Variants in SANBR observed in about 807,000 individuals in gnomAD.
The protein encoded by SANBR is SANT and BTB domain regulator of CSR.
In SANBR, 77 loss-of-function variants were observed where a neutral mutation model predicts 101.8. The ratio of observed to expected loss-of-function variants is 0.76; its 90% CI spans 0.63 to 0.91. SANBR has a LOEUF of 0.91. Ranked by LOEUF, SANBR falls within the 40% of genes least tolerant of loss-of-function variation. The pLI is 0.00. For missense variants in SANBR, 875 were observed against 853.0 expected (o/e 1.03, Z -0.32); for synonymous variants, 279 against 274.7 (o/e 1.02, Z -0.15).
intron 21 of SANBR, among the ~76,000 whole-genome samples, chr2:61,136,853 C>G (rs1684865679): frequency 5.9e-5 from 9 of 151,662 alleles, no homozygotes; most frequent in Admixed American, 5.9e-4. Flanking sequence ...TGCCTGTAAT[C>G]CCAGCTACTT....
At chr2:61,128,271 C>CAAA (rs1200152788), downstream of SANBR, among the ~76,000 whole-genome samples, 2 of 104,958 alleles carry the variant, frequency 1.9e-5, no homozygotes, top group African/African-American at 3.4e-5. Flanking sequence ...GACTCTGTCT[C>CAAA]AAAAAAAAAA....
chr2:61,106,769 A>G, intron 14 of SANBR, 107 bp downstream of exon 14: 1 of 651,326 alleles, frequency 1.5e-6, no homozygotes, highest in Non-Finnish European at 2.6e-6. Flanking sequence ...TGACTACCTA[A>G]TCATAAGAAG....
chr2:61,090,023 T>TGA (rs1180751769), intron 10 of SANBR, among the ~76,000 whole-genome samples: 1 of 151,914 alleles, frequency 6.6e-6, no homozygotes, highest in African/African-American at 2.4e-5. Context: ...AAAAATTAGC[T>TGA]GAGCATGGCA....
intron 7 of SANBR, 100 bp downstream of exon 7, chr2:61,081,610 T>C (rs1267339023): frequency 1.6e-6 from 2 of 1,239,848 alleles, no homozygotes; most frequent in East Asian, 2.8e-5. Flanking sequence ...AAAATTATTG[T>C]TAATTGAAAA....
chr2:61,133,559 C>A (rs781752487), intron 20 of SANBR, among the ~76,000 whole-genome samples: 3 of 151,782 alleles, frequency 2.0e-5, no homozygotes, highest in African/African-American at 2.4e-5. Context: ...TCAAGACCGG[C>A]CTGGGCAACA....
chr2:61,068,183 C>T (rs1389996812), intron 1 of SANBR, among the ~76,000 whole-genome samples: 1 of 152,164 alleles, frequency 6.6e-6, no homozygotes, highest in Admixed American at 6.5e-5. Flanking sequence ...TTCCAAGGTT[C>T]TTCCAAGACT....
intron 12 of SANBR, among the ~76,000 whole-genome samples, chr2:61,102,368 A>C (rs1683330531): frequency 8.9e-6 from 1 of 112,886 alleles, no homozygotes; most frequent in African/African-American, 7.9e-5. Flanking sequence ...TGTGTCTCAA[A>C]AAAAAAAAAA....
chr2:61,133,396 A>T (rs1684747627), intron 20 of SANBR, among the ~76,000 whole-genome samples: 1 of 152,198 alleles, frequency 6.6e-6, no homozygotes, highest in African/African-American at 2.4e-5. Flanking sequence ...CAACATTGTG[A>T]ATGCACTAAA....
At position 61,092,593 on chromosome 2, in the gene SANBR, AT is replaced by A. The variant is rs369817534; in HGVS notation, c.1212+17del. 0.013 allele frequency: 17,121 copies of A among 1,288,276 alleles called. 2 individuals are homozygous for A. Among genetic ancestry groups the A allele is most frequent in the South Asian group, 0.025 (1,611 of 64,806 alleles). 79.8% of individuals were successfully genotyped at this position (1,288,276 alleles called of 1,614,324 possible). ...CTTGTTCAAGATGTTATCAGGTAAG[AT>A]TTTTTTTTTTAAATATCCTGCTCTG... On this transcript the variant is annotated splice_region_variant and intron_variant, in intron 11 of 21. Coordinates refer to ENST00000402291, the MANE Select transcript of SANBR (RefSeq NM_001129993.3).
At chr2:61,073,844 A>C (rs553484841) in intron 5 of SANBR, among the ~76,000 whole-genome samples, 1 of 152,194 alleles carries the variant, frequency 6.6e-6, no homozygotes, top group African/African-American at 2.4e-5. Context: ...CAAGGAAAAA[A>C]ACTGTATGCC....
rs747903654 is a variant in SANBR at position 61,117,345 on chromosome 2, A to G, written c.1837-12A>G. 9.2e-5 allele frequency: 148 copies of G among 1,612,224 alleles called. No homozygotes were observed. Among genetic ancestry groups the G allele is most frequent in the Non-Finnish European group, 1.2e-4 (143 of 1,178,556 alleles). On this transcript the variant is annotated splice_polypyrimidine_tract_variant and intron_variant, in intron 17 of 21. Transcript: ENST00000402291. ...TTCTAATTGGGCCTTAATGTTGTCT[A>G]CTTTTTTTTAGTCAGCTTCTAGAGA...
At chr2:61,070,995 T>G (rs1297967426) in intron 3 of SANBR, among the ~76,000 whole-genome samples, 1 of 151,752 alleles carries the variant, frequency 6.6e-6, no homozygotes, top group Non-Finnish European at 1.5e-5. Flanking sequence ...GTGCTGAGAT[T>G]ACAGGCATGA....
intron 13 of SANBR, among the ~76,000 whole-genome samples, chr2:61,104,289 TG>T (rs1683436880): frequency 6.6e-6 from 1 of 151,980 alleles, no homozygotes; most frequent in South Asian, 2.1e-4. Flanking sequence ...GAGAGCATCC[TG>T]GCTAACACAG....
intron 16 of SANBR, chr2:61,115,669 T>TA (rs150247795): frequency 0.055 from 9,722 of 178,234 alleles, 1,055 homozygotes; most frequent in African/African-American, 0.22. Flanking sequence ...CGAGAATCGC[T>TA]TAAACCGTTG....
intron 12 of SANBR, among the ~76,000 whole-genome samples, chr2:61,099,465 A>G (rs1345031204): frequency 6.6e-6 from 1 of 152,214 alleles, no homozygotes; most frequent in Non-Finnish European, 1.5e-5. Flanking sequence ...GCTACTGGAT[A>G]GCTGGTGGTG....
intron 10 of SANBR, among the ~76,000 whole-genome samples, chr2:61,090,993 C>T (rs1018318916): frequency 6.6e-6 from 1 of 151,320 alleles, no homozygotes; most frequent in Non-Finnish European, 1.5e-5. Flanking sequence ...ACTGCAGCCT[C>T]CACCTCCCAG....
At chr2:61,084,527 C>A (rs1682318121) in intron 8 of SANBR, among the ~76,000 whole-genome samples, 1 of 152,062 alleles carries the variant, frequency 6.6e-6, no homozygotes, top group South Asian at 2.1e-4. Flanking sequence ...CCACTGCACT[C>A]CAGCCTGGGC....
chr2:61,111,664 C>G (rs1225323102), intron 16 of SANBR, among the ~76,000 whole-genome samples: 2 of 152,206 alleles, frequency 1.3e-5, no homozygotes, highest in African/African-American at 4.8e-5. Flanking sequence ...AAATAAAAAT[C>G]TAGAACATCA....
rs1559141566 is a variant in SANBR at position 61,118,026 on chromosome 2, A to G, written c.1940-2A>G. ...TAAAGTTTACTGTTTTTTTCCCTTC[A>G]GATCAACGGCGAATGACTGAAATTA... is the stretch of plus-strand genomic sequence containing the variant. On this transcript the variant is annotated splice_acceptor_variant, in intron 19 of 21. Coordinates refer to ENST00000402291, the MANE Select transcript of SANBR (RefSeq NM_001129993.3). LOFTEE classifies it high-confidence loss of function. 6.2e-7 allele frequency: 1 copy of G among 1,610,156 alleles called. No homozygotes were observed. Among genetic ancestry groups the G allele is most frequent in the Non-Finnish European group, 8.5e-7 (1 of 1,177,836 alleles).
Sources: allele counts gnomAD v4.1 joint callset (sites outside exome capture counted in the v4.1 genomes callset), GRCh38; gene constraint gnomAD v4.1.1; transcripts MANE v1.5; gene names NCBI Gene and HGNC (gene_info 2026-07-23, HGNC 2026-07-21).